FILIP1L: variants seen among roughly 807,000 people sequenced by gnomAD.
FILIP1L encodes the protein filamin A interacting protein 1 like.
A neutral mutation model predicts 96.6 loss-of-function variants in FILIP1L; 55 were observed. The ratio of observed to expected loss-of-function variants is 0.57; its 90% CI spans 0.46 to 0.71. The LOEUF (loss-of-function observed/expected upper bound fraction) is 0.71, where lower values mean the gene tolerates loss of function less well. Ranked by LOEUF, FILIP1L falls within the 30% of genes least tolerant of loss-of-function variation. The probability of loss-of-function intolerance (pLI) is 0.00; values close to 1 mark genes in which losing one functional copy is unlikely to be tolerated. For missense variants in FILIP1L, 1,304 were observed against 1,321.2 expected (o/e 0.99, Z 0.20); for synonymous variants, 467 against 473.9 (o/e 0.99, Z 0.19).
chr3:100,113,643 C>T (rs1169505057), intron 1 of FILIP1L, among the ~76,000 whole-genome samples: 1 of 152,200 alleles, frequency 6.6e-6, no homozygotes, highest in Admixed American at 6.5e-5. Flanking sequence ...CCATTTTCAA[C>T]ACATTGTGAT....
chr3:100,080,077 C>T (rs2065907377), intron 1 of FILIP1L, among the ~76,000 whole-genome samples: 1 of 152,138 alleles, frequency 6.6e-6, no homozygotes. Flanking sequence ...TCTGCACCCT[C>T]TTTTAACTTT....
intron 1 of FILIP1L, chr3:100,011,663 A>G (rs921718004): frequency 2.6e-5 from 4 of 152,190 alleles, no homozygotes; most frequent in South Asian, 2.1e-4. Context: ...TGTTCTGCCA[A>G]AAAAGTTCAT....
Position 99,849,456 on chromosome 3 carries a change from C to T in FILIP1L, c.2220G>A (p.Gln740=). 7 of 1,614,046 alleles carry T rather than the reference C, an allele frequency of 4.3e-6. No individual in the cohort carries two copies. Among genetic ancestry groups the T allele is most frequent in the Non-Finnish European group, 5.9e-6 (7 of 1,180,002 alleles). Residue 740 remains glutamine, a synonymous_variant, in exon 5 of 6, where the codon CAG becomes CAA. Coordinates refer to ENST00000477258, the MANE Select transcript of FILIP1L (RefSeq NM_001387850.1). ...MATEDLICHL[Q]GDHSVLQKKL... is the part of the protein sequence containing the mutation. ...TTTTTTGCAGGACTGAGTGATCTCC[C>T]TGGAGGTGACATATTAGGTCTTCAG...
At chr3:99,997,037 T>C (rs921206799) in intron 1 of FILIP1L, among the ~76,000 whole-genome samples, 1 of 152,096 alleles carries the variant, frequency 6.6e-6, no homozygotes, top group African/African-American at 2.4e-5. Context: ...AATGCGTACA[T>C]CAATAAAATA....
At chr3:100,099,958 T>C (rs2066276862) in intron 1 of FILIP1L, among the ~76,000 whole-genome samples, 1 of 152,174 alleles carries the variant, frequency 6.6e-6, no homozygotes, top group South Asian at 2.1e-4. Flanking sequence ...CATGCTCAAG[T>C]TGAGACTAAC....
chr3:100,112,250 A>G (rs2066504533), intron 1 of FILIP1L, among the ~76,000 whole-genome samples: 1 of 152,218 alleles, frequency 6.6e-6, no homozygotes, highest in Admixed American at 6.5e-5. Flanking sequence ...AGCGGGTATT[A>G]CATTGGTAAT....
At chr3:99,996,757 TACTC>T (rs1311131378) in intron 1 of FILIP1L, among the ~76,000 whole-genome samples, 1 of 151,924 alleles carries the variant, frequency 6.6e-6, no homozygotes, top group Non-Finnish European at 1.5e-5. Flanking sequence ...TCGTGAGACT[TACTC>T]ACTACCATGA....
chr3:100,023,290 A>G (rs947397550), intron 1 of FILIP1L: 3 of 152,634 alleles, frequency 2.0e-5, no homozygotes, highest in Non-Finnish European at 4.4e-5. Context: ...TCAAAATGCT[A>G]TGACAACTGA....
At chr3:100,085,616 T>C (rs2065996700) in intron 1 of FILIP1L, among the ~76,000 whole-genome samples, 1 of 152,142 alleles carries the variant, frequency 6.6e-6, no homozygotes, top group Non-Finnish European at 1.5e-5. Flanking sequence ...GCAAATAACA[T>C]CCTCAAGCTT....
intron 1 of FILIP1L, among the ~76,000 whole-genome samples, chr3:100,079,663 G>T (rs2065901786): frequency 6.6e-6 from 1 of 152,024 alleles, no homozygotes; most frequent in South Asian, 2.1e-4. Flanking sequence ...TCATTGTGAG[G>T]TTCCATTATT....
chr3:100,100,361 G>A (rs2066283695), intron 1 of FILIP1L, among the ~76,000 whole-genome samples: 1 of 152,182 alleles, frequency 6.6e-6, no homozygotes, highest in South Asian at 2.1e-4. Flanking sequence ...AATGTACCAT[G>A]TACTATACTT....
chr3:99,990,069 C>T (rs766532791), intron 1 of FILIP1L, among the ~76,000 whole-genome samples: 3 of 152,032 alleles, frequency 2.0e-5, no homozygotes, highest in Non-Finnish European at 4.4e-5. Context: ...CTCTGTTTGC[C>T]GCTTTGTGTT....
intron 1 of FILIP1L, among the ~76,000 whole-genome samples, chr3:99,941,513 A>C (rs868443045): frequency 3.3e-5 from 5 of 152,198 alleles, no homozygotes; most frequent in African/African-American, 4.8e-5. Context: ...GGGAATATCA[A>C]ATTGTGCCTA....
intron 4 of FILIP1L, among the ~76,000 whole-genome samples, chr3:99,887,215 C>T (rs566903750): frequency 2.2e-4 from 33 of 151,638 alleles, no homozygotes; most frequent in Admixed American, 1.7e-3. Flanking sequence ...CGCGGTTAGC[C>T]GAGATTGAGC....
Position 99,829,864 on chromosome 3 carries a change from T to C in FILIP1L, c.*550A>G, listed in dbSNP as rs2107482316. Among the ~76,000 whole-genome samples the C allele has an allele frequency of 6.6e-6, 1 of 152,346 alleles. No homozygotes were observed. The highest frequency in any genetic ancestry group is 2.4e-5 in the African/African-American group (1 of 41,576). Reference sequence around the variant, plus strand: ...TATATTCGGCTGTTATTCACTTTTGTTATGCTTTTCCTCCTTTAAGAATTA... The same window carrying C: ...TATATTCGGCTGTTATTCACTTTTGCTATGCTTTTCCTCCTTTAAGAATTA... On this transcript the variant is annotated 3_prime_UTR_variant, in exon 6 of 6. Coordinates refer to ENST00000477258, the MANE Select transcript of FILIP1L (RefSeq NM_001387850.1).
At chr3:99,938,353 T>C (rs984758146) in intron 1 of FILIP1L, among the ~76,000 whole-genome samples, 2 of 152,226 alleles carry the variant, frequency 1.3e-5, no homozygotes, top group Non-Finnish European at 2.9e-5. Flanking sequence ...AGGCAGTCAT[T>C]TAAACTTAGT....
At chr3:99,993,151 TG>T (rs1181193722) in intron 1 of FILIP1L, among the ~76,000 whole-genome samples, 1 of 152,124 alleles carries the variant, frequency 6.6e-6, no homozygotes, top group Non-Finnish European at 1.5e-5. Flanking sequence ...GAGCTTTTTT[TG>T]GGTTTCATAT....
At chr3:100,065,428 A>G (rs1307464835) in intron 1 of FILIP1L, among the ~76,000 whole-genome samples, 1 of 152,208 alleles carries the variant, frequency 6.6e-6, no homozygotes, top group Non-Finnish European at 1.5e-5. Context: ...CATCCTGCTA[A>G]CATTATGGCA....
At chr3:100,041,994 A>G (rs538608701) in intron 1 of FILIP1L, among the ~76,000 whole-genome samples, 2 of 152,280 alleles carry the variant, frequency 1.3e-5, no homozygotes, top group Admixed American at 6.5e-5. Context: ...CTTCAGCTAT[A>G]TGATCTGAGT....
Sources: gnomAD v4.1 joint callset for allele counts (sites outside exome capture counted in the v4.1 genomes callset) on GRCh38, gnomAD v4.1.1 for gene constraint, MANE v1.5 for transcripts, NCBI Gene and HGNC (gene_info 2026-07-23, HGNC 2026-07-21) for gene names.